The following SPIRE1 variants were observed in gnomAD, a reference collection of about 807,000 sequenced individuals.
SPIRE1 encodes the protein protein spire homolog 1.
In SPIRE1, 40 loss-of-function variants were observed where a neutral mutation model predicts 94.1. The ratio of observed to expected loss-of-function variants is 0.43; its 90% CI spans 0.33 to 0.55. The LOEUF is 0.55. Among genes scored for constraint, SPIRE1 ranks in the 20% least tolerant of loss-of-function variants. SPIRE1 has a pLI of 0.06. For missense variants in SPIRE1, 838 were observed against 975.2 expected, an observed-to-expected ratio of 0.86 and a Z score of 1.87; for synonymous variants, 376 against 371.7, an observed-to-expected ratio of 1.01 and a Z score of -0.13.
chr18:12,568,766 G>A (rs770162907), intron 2 of SPIRE1, among the ~76,000 whole-genome samples: 1 of 152,136 alleles, frequency 6.6e-6, no homozygotes, highest in Non-Finnish European at 1.5e-5. Flanking sequence ...ATGAGTGAAT[G>A]AGCCAAGATA....
intron 4 of SPIRE1, among the ~76,000 whole-genome samples, chr18:12,534,668 G>A (rs1381651631): frequency 2.0e-5 from 3 of 152,166 alleles, no homozygotes; most frequent in Admixed American, 6.6e-5. Context: ...GGACTGAGCT[G>A]TGCTGCTGGA....
chr18:12,553,050 G>A (rs1259058189), intron 2 of SPIRE1, among the ~76,000 whole-genome samples: 1 of 152,050 alleles, frequency 6.6e-6, no homozygotes. Context: ...TGAGTCCTTG[G>A]GCCCTAAATA....
intron 1 of SPIRE1, among the ~76,000 whole-genome samples, chr18:12,652,582 T>C (rs1474646939): frequency 6.6e-6 from 1 of 152,206 alleles, no homozygotes; most frequent in Non-Finnish European, 1.5e-5. Context: ...AGTCTTTCCT[T>C]TTTCTTGAAT....
At chr18:12,453,781 A>C (rs180952632) in intron 13 of SPIRE1, among the ~76,000 whole-genome samples, 2 of 151,608 alleles carry the variant, frequency 1.3e-5, no homozygotes, top group Admixed American at 6.6e-5. Context: ...GTAATGACTA[A>C]ATGCACACAT....
At chr18:12,484,900 A>AAAAT (rs879933001) in intron 9 of SPIRE1, among the ~76,000 whole-genome samples, 33 of 152,012 alleles carry the variant, frequency 2.2e-4, no homozygotes, top group African/African-American at 4.3e-4. Context: ...TCTATTTCCT[A>AAAAT]AAATAAATAA....
At chr18:12,538,470 G>C (rs2034907689) in intron 3 of SPIRE1, among the ~76,000 whole-genome samples, 1 of 152,164 alleles carries the variant, frequency 6.6e-6, no homozygotes, top group Admixed American at 6.5e-5. Flanking sequence ...GAAATACTGA[G>C]GTTTTTGAGG....
Position 12,543,191 on chromosome 18 carries a change from G to A in SPIRE1, c.603+3483C>T, listed in dbSNP as rs553024907. ...TCCTAGTTTCTACCAGACATGGACT[G>A]CCTTCTGCCTGATGTATACTCTTTG... On this transcript the variant is annotated intron_variant, in intron 3 of 16. Coordinates refer to ENST00000409402, the MANE Select transcript of SPIRE1 (RefSeq NM_001128626.2). Among the ~76,000 whole-genome samples the A allele has an allele frequency of 3.3e-5, 5 of 152,256 alleles. No homozygotes were observed. In the South Asian group the frequency reaches 1.0e-3, roughly 32 times the overall value.
At chr18:12,606,156 CTTTA>C (rs2036970051) in intron 2 of SPIRE1, among the ~76,000 whole-genome samples, 1 of 152,118 alleles carries the variant, frequency 6.6e-6, no homozygotes, top group South Asian at 2.1e-4. Flanking sequence ...CTTGCCCCCC[CTTTA>C]TTTTTCTTCA....
intron 2 of SPIRE1, among the ~76,000 whole-genome samples, chr18:12,562,771 A>G (rs2035723553): frequency 6.6e-6 from 1 of 151,254 alleles, no homozygotes; most frequent in African/African-American, 2.4e-5. Flanking sequence ...CTGCCTCCCA[A>G]CGTGCTGGGA....
chr18:12,495,082 C>G (rs1326744245), intron 7 of SPIRE1, among the ~76,000 whole-genome samples: 3 of 150,364 alleles, frequency 2.0e-5, no homozygotes, highest in Non-Finnish European at 4.4e-5. Flanking sequence ...CCTAGGTAGC[C>G]CTCTTTGCCT....
intron 1 of SPIRE1, among the ~76,000 whole-genome samples, chr18:12,637,251 C>A (rs538358998): frequency 6.6e-6 from 1 of 150,570 alleles, no homozygotes; most frequent in Non-Finnish European, 1.5e-5. Flanking sequence ...CCCAGCTACT[C>A]GGGAGGCTGA....
At chr18:12,588,697 C>G (rs2036452080) in intron 2 of SPIRE1, among the ~76,000 whole-genome samples, 1 of 117,992 alleles carries the variant, frequency 8.5e-6, no homozygotes, top group Non-Finnish European at 2.0e-5. Context: ...ATTGCTAGTG[C>G]TGACCTATTA....
chr18:12,461,422 G>GTGTGTATGTATGTATATACATACA (rs1555680886), intron 12 of SPIRE1, among the ~76,000 whole-genome samples: 35,831 of 123,860 alleles, frequency 0.29, 6,258 homozygotes, highest in East Asian at 0.52. Context: ...GTATGTGTGT[G>GTGTGTATGTATGTATATACATACA]TGTGTGTATG....
intron 1 of SPIRE1, among the ~76,000 whole-genome samples, chr18:12,644,499 T>C (rs2038169772): frequency 6.6e-6 from 1 of 152,000 alleles, no homozygotes; most frequent in Non-Finnish European, 1.5e-5. Context: ...AGTCAGAAAG[T>C]GGCAAAAGAA....
At chr18:12,632,585 C>T (rs2037812443) in intron 2 of SPIRE1, among the ~76,000 whole-genome samples, 1 of 152,144 alleles carries the variant, frequency 6.6e-6, no homozygotes, top group African/African-American at 2.4e-5. Context: ...TCCACAATCC[C>T]AATCTCCTCC....
chr18:12,646,427 C>A (rs576882388), intron 1 of SPIRE1, among the ~76,000 whole-genome samples: 1 of 152,080 alleles, frequency 6.6e-6, no homozygotes, highest in African/African-American at 2.4e-5. Flanking sequence ...CTCTTTGTAT[C>A]GTCAACATCT....
chr18:12,580,915 T>C (rs1195462447), intron 2 of SPIRE1, among the ~76,000 whole-genome samples: 7 of 152,234 alleles, frequency 4.6e-5, no homozygotes, highest in South Asian at 2.1e-4. Flanking sequence ...GACCCCAGCC[T>C]GTCCCTCAAT....
Position 12,547,811 on chromosome 18 carries a change from G to A in SPIRE1, c.373-907C>T, listed in dbSNP as rs139553169. 6.7e-3 allele frequency among the ~76,000 whole-genome samples: 1,018 copies of A among 152,256 alleles called. 3 individuals carry two copies. Among genetic ancestry groups the A allele is most frequent in the Non-Finnish European group, 0.011 (773 of 68,022 alleles). On this transcript the variant is annotated intron_variant, in intron 2 of 16. Transcript: ENST00000409402. ...ACAAAAATGAGCTGGGCGTGGTGGC[G>A]TGTGCCGGTAATCCCAGTTTCTTGG... is the stretch of plus-strand genomic sequence containing the variant.
intron 4 of SPIRE1, among the ~76,000 whole-genome samples, chr18:12,516,913 T>C (rs1053486170): frequency 2.6e-5 from 4 of 152,306 alleles, no homozygotes; most frequent in South Asian, 2.1e-4. Flanking sequence ...CCCTCACTCA[T>C]TGCCACTAAG....
Sources: allele counts gnomAD v4.1 joint callset (sites outside exome capture counted in the v4.1 genomes callset), GRCh38; gene constraint gnomAD v4.1.1; transcripts MANE v1.5; gene names NCBI Gene and HGNC (gene_info 2026-07-23, HGNC 2026-07-21).